COLEC10: variants seen among roughly 807,000 people sequenced by gnomAD.
COLEC10 encodes the protein collectin-10.
COLEC10 carries 22 observed loss-of-function variants against 28.4 expected under a neutral mutation model. The observed-to-expected ratio is 0.78, with a 90% CI of 0.55 to 1.11. COLEC10 has a LOEUF of 1.11. Ranked by LOEUF, COLEC10 falls within the 50% of genes least tolerant of loss-of-function variation. The pLI is 0.00. For synonymous variants in COLEC10, 125 were observed against 116.1 expected, an observed-to-expected ratio of 1.08 and a Z score of -0.49; for missense variants, 361 against 344.1, an observed-to-expected ratio of 1.05 and a Z score of -0.39.
At chr8:118,999,987 G>A (rs1009943525) in intron 1 of COLEC10, among the ~76,000 whole-genome samples, 3 of 151,966 alleles carry the variant, frequency 2.0e-5, no homozygotes, top group African/African-American at 7.3e-5. Flanking sequence ...GTGATATGAA[G>A]GCATATTTGT....
Position 119,101,596 on chromosome 8 carries a change from A to G in COLEC10, c.293-752A>G, listed in dbSNP as rs532152888. Among the ~76,000 whole-genome samples, 17 of 152,324 alleles carry G rather than the reference A, an allele frequency of 1.1e-4. No individual in the cohort carries two copies. In the South Asian group the frequency reaches 3.3e-3, roughly 30 times the overall value. On this transcript the variant is annotated intron_variant, in intron 3 of 5. Transcript: ENST00000332843. ...AAAGTACCAAGGTTGCTATTTCAGT[A>G]TAATATATTTGACATGACTTTGTAT...
chr8:119,026,234 T>G (rs1446327858), intron 2 of COLEC10, among the ~76,000 whole-genome samples: 1 of 152,114 alleles, frequency 6.6e-6, no homozygotes, highest in Non-Finnish European at 1.5e-5. Context: ...TCTTTGATTT[T>G]GGGAAGCTAC....
intron 1 of COLEC10, among the ~76,000 whole-genome samples, chr8:119,006,751 T>A (rs1813807186): frequency 6.6e-6 from 1 of 152,056 alleles, no homozygotes; most frequent in African/African-American, 2.4e-5. Context: ...TTTTTTTATC[T>A]CCATCAGATG....
the COLEC10 span, among the ~76,000 whole-genome samples, chr8:118,970,339 T>C: frequency 6.6e-6 from 1 of 152,010 alleles, no homozygotes; most frequent in East Asian, 1.9e-4. Flanking sequence ...ACAAATAGGC[T>C]CTCGATGACT....
At chr8:119,024,434 C>T (rs2130114300) in intron 2 of COLEC10, among the ~76,000 whole-genome samples, 1 of 152,150 alleles carries the variant, frequency 6.6e-6, no homozygotes, top group Middle Eastern at 3.4e-3. Context: ...ATGTATATGA[C>T]CTCAGATGAG....
At chr8:119,100,476 G>C (rs58177116) in intron 3 of COLEC10, among the ~76,000 whole-genome samples, 15,838 of 152,126 alleles carry the variant, frequency 0.1, 1,926 homozygotes, top group African/African-American at 0.3. Context: ...TTACAGGTAA[G>C]AGAAATAAGG....
At chr8:119,018,887 A>C (rs965495374) in intron 2 of COLEC10, among the ~76,000 whole-genome samples, 1 of 152,164 alleles carries the variant, frequency 6.6e-6, no homozygotes, top group African/African-American at 2.4e-5. Context: ...CCCAGTACCC[A>C]GGGAAATCTT....
In COLEC10 at chr8:119,030,091, T is replaced by C. The variant is rs1814261169; in HGVS notation, n.235+20538T>C. ...AGTTGCCTGGAGCCACATATCTCCC[T>C]CTTTGTTACAGTGCAGACTAGAGAT... On this transcript the variant is annotated intron_variant and non_coding_transcript_variant, in intron 2 of 6. Transcript: ENST00000521788. 2.0e-5 allele frequency among the ~76,000 whole-genome samples: 3 copies of C among 152,148 alleles called. No individual in the cohort carries two copies. The South Asian group carries it at 6.2e-4, about 32-fold the overall frequency.
chr8:119,029,008 T>C (rs1034733928), intron 2 of COLEC10, among the ~76,000 whole-genome samples: 24 of 152,176 alleles, frequency 1.6e-4, no homozygotes, highest in Admixed American at 3.3e-4. Flanking sequence ...CTACAGTCAT[T>C]AGGGAGATGA....
chr8:118,980,442 C>T, the COLEC10 span, among the ~76,000 whole-genome samples: 1 of 152,034 alleles, frequency 6.6e-6, no homozygotes, highest in Non-Finnish European at 1.5e-5. Flanking sequence ...ATCTGCCGGT[C>T]TCTTCCTCCC....
At chr8:118,967,721 G>C in the COLEC10 span, among the ~76,000 whole-genome samples, 1 of 152,000 alleles carries the variant, frequency 6.6e-6, no homozygotes. Context: ...AAGAAATTTT[G>C]TTTAGTAGCT....
At chr8:118,970,393 C>A in the COLEC10 span, among the ~76,000 whole-genome samples, 1 of 152,014 alleles carries the variant, frequency 6.6e-6, no homozygotes, top group Non-Finnish European at 1.5e-5. Context: ...CTCTCCCTTT[C>A]TGACTTTGAC....
At chr8:119,105,774 T>C (rs2130312536) in intron 5 of COLEC10, 26 bp from the exon 6 acceptor site, 1 of 1,577,980 alleles carries the variant, frequency 6.3e-7, no homozygotes, top group Middle Eastern at 1.7e-4. Context: ...AGATACGTAA[T>C]GATACTCCTT....
chr8:119,052,728 A>C (rs1031944474), intron 2 of COLEC10, among the ~76,000 whole-genome samples: 1 of 152,148 alleles, frequency 6.6e-6, no homozygotes, highest in African/African-American at 2.4e-5. Context: ...GGAAGAGAAA[A>C]ATAAGAATTA....
chr8:118,974,360 G>A, the COLEC10 span, among the ~76,000 whole-genome samples: 1 of 151,872 alleles, frequency 6.6e-6, no homozygotes, highest in Non-Finnish European at 1.5e-5. Flanking sequence ...GTAGAAAAAG[G>A]GGAGTGCTGA....
Position 119,106,069 on chromosome 8 carries a change from G to T in COLEC10, c.712G>T (p.Glu238Ter). ...GAACTATAGCAACTGGAATGAGGGG[G>T]AACCCAGCGACCCCTATGGTCATGA... ...LQNYSNWNEG[E>*]PSDPYGHEDC... Residue 238 changes from glutamate (E) to a stop codon, truncating the protein, a stop_gained, in exon 6 of 6, where the codon GAA (glutamate) becomes TAA (stop). Transcript: ENST00000332843. LOFTEE classifies it high-confidence loss of function. 1 of 1,613,886 alleles carries T rather than the reference G, an allele frequency of 6.2e-7. No individual in the cohort carries two copies. Among genetic ancestry groups the T allele is most frequent in the South Asian group, 1.1e-5 (1 of 91,074 alleles).
At chr8:119,073,961 CATAT>C (rs139009488) in intron 1 of COLEC10, among the ~76,000 whole-genome samples, 6 of 114,892 alleles carry the variant, frequency 5.2e-5, no homozygotes, top group East Asian at 4.7e-4. Context: ...CATATATACA[CATAT>C]ACACATATAT....
the COLEC10 span, among the ~76,000 whole-genome samples, chr8:118,989,534 TACACACACACACACACACACAC>T: frequency 7.8e-5 from 10 of 128,722 alleles, no homozygotes; most frequent in East Asian, 2.4e-4. Flanking sequence ...ACAGACAAAA[TACACACACACACACACACACAC>T]ACACACACAC....
intron 2 of COLEC10, among the ~76,000 whole-genome samples, chr8:119,043,752 G>A (rs1482401781): frequency 1.3e-5 from 2 of 152,084 alleles, no homozygotes; most frequent in Non-Finnish European, 2.9e-5. Context: ...TCATGTATAT[G>A]GACAGCACGG....
Sources: gnomAD v4.1 joint callset for allele counts (sites outside exome capture counted in the v4.1 genomes callset) on GRCh38, gnomAD v4.1.1 for gene constraint, MANE v1.5 for transcripts, NCBI Gene and HGNC (gene_info 2026-07-23, HGNC 2026-07-21) for gene names.